The following SLC25A13 variants were observed in gnomAD, a reference collection of about 807,000 sequenced individuals.
SLC25A13 encodes solute carrier family 25 member 13, also known as electrogenic aspartate/glutamate antiporter SLC25A13, mitochondrial.
A neutral mutation model predicts 85.5 loss-of-function variants in SLC25A13; 70 were observed. The observed-to-expected ratio is 0.82, with a 90% confidence interval of 0.68 to 1.00. The LOEUF (loss-of-function observed/expected upper bound fraction) is 1.00, where lower values mean the gene tolerates loss of function less well. SLC25A13 is among the 50% of genes least tolerant of loss of function. The pLI is 0.00. For synonymous variants in SLC25A13, 259 were observed against 288.7 expected (o/e 0.90, Z 1.04); for missense variants, 765 against 819.8 (o/e 0.93, Z 0.82).
chr7:96,291,165 G>A (rs1408303553), intron 2 of SLC25A13, among the ~76,000 whole-genome samples: 1 of 152,162 alleles, frequency 6.6e-6, no homozygotes, highest in African/African-American at 2.4e-5. Flanking sequence ...TGAACAACCT[G>A]CTCCTGAATG....
At chr7:96,131,911 A>G in intron 14 of SLC25A13, 30 bp from the exon 15 acceptor site, 1 of 1,613,638 alleles carries the variant, frequency 6.2e-7, no homozygotes, top group South Asian at 1.1e-5. Context: ...GAAAAACCAC[A>G]TGAAACACAT....
intron 5 of SLC25A13, among the ~76,000 whole-genome samples, chr7:96,194,808 T>G (rs1419165524): frequency 6.6e-6 from 1 of 152,162 alleles, no homozygotes. Context: ...ATGTCTACAT[T>G]TAAAATATTT....
At chr7:96,234,087 C>T (rs945406231) in intron 4 of SLC25A13, among the ~76,000 whole-genome samples, 3 of 152,240 alleles carry the variant, frequency 2.0e-5, no homozygotes, top group African/African-American at 7.2e-5. Context: ...CCAAGGGAAA[C>T]ATGGTACTTT....
chr7:96,297,734 C>T (rs1317628497), intron 1 of SLC25A13, among the ~76,000 whole-genome samples: 1 of 152,164 alleles, frequency 6.6e-6, no homozygotes, highest in Non-Finnish European at 1.5e-5. Context: ...ATGTATACCT[C>T]ACTACCTGGG....
chr7:96,167,654 C>T (rs747214640), intron 13 of SLC25A13, among the ~76,000 whole-genome samples: 1 of 152,146 alleles, frequency 6.6e-6, no homozygotes, highest in African/African-American at 2.4e-5. Context: ...GATGAGGAAC[C>T]GCTCATGTGA....
At chr7:96,269,564 G>A (rs563699294) in intron 3 of SLC25A13, among the ~76,000 whole-genome samples, 11 of 152,220 alleles carry the variant, frequency 7.2e-5, no homozygotes, top group Admixed American at 2.0e-4. Context: ...CTAACGTCCC[G>A]GAAAAAACAG....
intron 2 of SLC25A13, among the ~76,000 whole-genome samples, chr7:96,287,524 C>G (rs1021820392): frequency 6.6e-6 from 1 of 152,224 alleles, no homozygotes; most frequent in Non-Finnish European, 1.5e-5. Flanking sequence ...CTCTCTAGGT[C>G]TACCTGATCA....
intron 2 of SLC25A13, chr7:96,283,501 CA>C: frequency 5.0e-6 from 2 of 399,306 alleles, no homozygotes; most frequent in South Asian, 2.2e-5. Context: ...GAGTACTGTT[CA>C]AAAAGGAATG....
intron 13 of SLC25A13, among the ~76,000 whole-genome samples, chr7:96,151,086 C>G (rs1048959984): frequency 2.6e-5 from 4 of 152,086 alleles, no homozygotes; most frequent in South Asian, 4.1e-4. Flanking sequence ...CTGGGGACTA[C>G]AGTGTGATTA....
chr7:96,285,839 T>A (rs1798865023), intron 2 of SLC25A13, among the ~76,000 whole-genome samples: 1 of 152,156 alleles, frequency 6.6e-6, no homozygotes, highest in African/African-American at 2.4e-5. Context: ...CACATCTGTT[T>A]AAACTAACAG....
Position 96,141,409 on chromosome 7 carries a change from T to C in SLC25A13, c.1452+5147A>G, listed in dbSNP as rs569569588. Among the ~76,000 whole-genome samples the C allele has an allele frequency of 4.6e-5, 7 of 152,326 alleles. No homozygotes were observed. The South Asian group carries it at 1.5e-3, about 32-fold the overall frequency. ...CTTTAAACAGCCATCTCCTAAAGGC[T>C]GGAACAGTGCCTGGCACACAGTAAG... On this transcript the variant is annotated intron_variant, in intron 14 of 17. Transcript: ENST00000265631.
Position 96,286,306 on chromosome 7 carries a change from C to T in SLC25A13, c.70-8968G>A, listed in dbSNP as rs1458961276. On this transcript the variant is annotated intron_variant, in intron 2 of 17. Transcript: ENST00000265631. ...TCTCAAAAAAAAAAAAAAAAAAAAT[C>T]TGTCGTATGCCTTAGCCCCACATGT... 2.1e-5 allele frequency among the ~76,000 whole-genome samples: 3 copies of T among 143,612 alleles called. No homozygotes were observed. The South Asian group carries it at 6.6e-4, about 32-fold the overall frequency. 94.2% of individuals were successfully genotyped at this position (143,612 alleles called of 152,430 possible). A position where few individuals can be genotyped will look rare whatever the true frequency, so the allele number is the denominator to read the frequency against.
intron 13 of SLC25A13, among the ~76,000 whole-genome samples, chr7:96,151,516 G>C (rs1257535421): frequency 6.6e-6 from 1 of 151,938 alleles, no homozygotes; most frequent in Non-Finnish European, 1.5e-5. Flanking sequence ...AGAATCACTT[G>C]AACTCGGGAG....
At chr7:96,121,562 T>C (rs961093361) in intron 17 of SLC25A13, 93 bp downstream of exon 17, 3 of 1,439,086 alleles carry the variant, frequency 2.1e-6, no homozygotes. Flanking sequence ...CTCTTCTATT[T>C]TATTATAGAG....
At chr7:96,205,715 A>G (rs1795433558) in intron 5 of SLC25A13, among the ~76,000 whole-genome samples, 1 of 152,204 alleles carries the variant, frequency 6.6e-6, no homozygotes, top group African/African-American at 2.4e-5. Flanking sequence ...GTTTAGCTCA[A>G]ATAATATCAA....
chr7:96,269,607 G>GT (rs770772607), intron 3 of SLC25A13, among the ~76,000 whole-genome samples: 2 of 152,232 alleles, frequency 1.3e-5, no homozygotes, highest in African/African-American at 2.4e-5. Context: ...TGGGGCTGCT[G>GT]TGACAAATTA....
At chr7:96,186,868 G>A (rs1377926942) in intron 9 of SLC25A13, among the ~76,000 whole-genome samples, 1 of 151,818 alleles carries the variant, frequency 6.6e-6, no homozygotes, top group Non-Finnish European at 1.5e-5. Context: ...GCTTGTAAGA[G>A]GTTTACATAT....
intron 1 of SLC25A13, among the ~76,000 whole-genome samples, chr7:96,308,409 G>A (rs1323473381): frequency 6.6e-6 from 1 of 152,186 alleles, no homozygotes; most frequent in Non-Finnish European, 1.5e-5. Context: ...TTCCTCTGAA[G>A]GCTGAACCAG....
intron 3 of SLC25A13, among the ~76,000 whole-genome samples, chr7:96,255,798 G>A (rs1797610859): frequency 6.6e-6 from 1 of 151,950 alleles, no homozygotes; most frequent in Non-Finnish European, 1.5e-5. Flanking sequence ...AAATACAACT[G>A]CCTACTAAAA....
Sources: allele counts gnomAD v4.1 joint callset (sites outside exome capture counted in the v4.1 genomes callset), GRCh38; gene constraint gnomAD v4.1.1; transcripts MANE v1.5; gene names NCBI Gene and HGNC (gene_info 2026-07-23, HGNC 2026-07-21).